HEMK2: variants seen among roughly 807,000 people sequenced by gnomAD.
HEMK2 encodes HemK methyltransferase 2, ETF1 glutamine and histone H4 lysine.
the HEMK2 span, chr21:28,882,062 A>T: frequency 1.2e-6 from 1 of 824,208 alleles, no homozygotes; most frequent in Non-Finnish European, 1.8e-6. Flanking sequence ...TATACTGCTT[A>T]GTGGGTCAAA....
chr21:28,869,797 T>C, the HEMK2 span, among the ~76,000 whole-genome samples: 2 of 152,210 alleles, frequency 1.3e-5, no homozygotes, highest in Non-Finnish European at 2.9e-5. Flanking sequence ...TTTTAGTGTG[T>C]CACTAATAAA....
chr21:28,878,619 T>C, the HEMK2 span, among the ~76,000 whole-genome samples: 1 of 152,058 alleles, frequency 6.6e-6, no homozygotes, highest in Non-Finnish European at 1.5e-5. Context: ...AAAATGTTTT[T>C]ATTAATAAAA....
the HEMK2 span, among the ~76,000 whole-genome samples, chr21:28,773,615 AC>A: frequency 2.0e-5 from 3 of 152,188 alleles, no homozygotes; most frequent in African/African-American, 7.2e-5. Flanking sequence ...TTTTAAATAT[AC>A]ACGATGTGCC....
At chr21:28,650,913 C>A in the HEMK2 span, among the ~76,000 whole-genome samples, 1 of 151,576 alleles carries the variant, frequency 6.6e-6, no homozygotes, top group Non-Finnish European at 1.5e-5. Flanking sequence ...AATGGAGAGA[C>A]GACAAAAAAG....
the HEMK2 span, among the ~76,000 whole-genome samples, chr21:28,871,302 A>G: frequency 6.6e-6 from 1 of 152,166 alleles, no homozygotes; most frequent in African/African-American, 2.4e-5. Flanking sequence ...GGAAGCTTAA[A>G]ATCAGGGCAC....
chr21:28,830,259 A>T, the HEMK2 span, among the ~76,000 whole-genome samples: 1 of 152,044 alleles, frequency 6.6e-6, no homozygotes, highest in Non-Finnish European at 1.5e-5. Context: ...GGTGGGAGGT[A>T]ATTGGATCAT....
At chr21:28,847,154 G>A in the HEMK2 span, among the ~76,000 whole-genome samples, 1 of 151,986 alleles carries the variant, frequency 6.6e-6, no homozygotes, top group Non-Finnish European at 1.5e-5. Context: ...ATATAACCAG[G>A]AATGGGATTG....
chr21:28,835,779 C>T, the HEMK2 span, among the ~76,000 whole-genome samples: 53 of 152,078 alleles, frequency 3.5e-4, no homozygotes, highest in Admixed American at 2.6e-3. Context: ...AGGAAATAGA[C>T]GGCTTAAAGA....
the HEMK2 span, among the ~76,000 whole-genome samples, chr21:28,849,367 A>G: frequency 1.3e-5 from 2 of 152,160 alleles, no homozygotes; most frequent in Non-Finnish European, 2.9e-5. Flanking sequence ...AACAAAAAAA[A>G]ACCCATCCAA....
the HEMK2 span, among the ~76,000 whole-genome samples, chr21:28,766,999 T>C: frequency 1.3e-5 from 2 of 152,080 alleles, no homozygotes; most frequent in African/African-American, 4.8e-5. Flanking sequence ...CCAAATCTCA[T>C]CTTGAATTTC....
chr21:28,656,293 G>A, the HEMK2 span, among the ~76,000 whole-genome samples: 1 of 151,966 alleles, frequency 6.6e-6, no homozygotes, highest in Non-Finnish European at 1.5e-5. Flanking sequence ...AACACGGTCT[G>A]GGGAAGTCCA....
the HEMK2 span, among the ~76,000 whole-genome samples, chr21:28,852,893 T>C: frequency 1.3e-5 from 2 of 152,216 alleles, no homozygotes; most frequent in Non-Finnish European, 2.9e-5. Context: ...GATTGCGACT[T>C]TGCATCTGCT....
chr21:28,845,537 TTAAG>T, the HEMK2 span, among the ~76,000 whole-genome samples: 8 of 152,234 alleles, frequency 5.3e-5, no homozygotes, highest in Admixed American at 1.3e-4. Context: ...GCTTCTCTTC[TTAAG>T]TATTTCTATT....
chr21:28,735,036 C>T, the HEMK2 span, among the ~76,000 whole-genome samples: 4 of 152,252 alleles, frequency 2.6e-5, no homozygotes, highest in Non-Finnish European at 4.4e-5. Flanking sequence ...GGGGGCTCCT[C>T]GGCACTGCTT....
chr21:28,588,997 AAG>A, the HEMK2 span, among the ~76,000 whole-genome samples: 2 of 151,828 alleles, frequency 1.3e-5, no homozygotes, highest in African/African-American at 2.4e-5. Context: ...AAAAAAAAAA[AAG>A]AGTTATTGAG....
At chr21:28,823,303 T>C in the HEMK2 span, among the ~76,000 whole-genome samples, 1 of 152,194 alleles carries the variant, frequency 6.6e-6, no homozygotes, top group Non-Finnish European at 1.5e-5. Context: ...AAGCTCAAAG[T>C]GCTCTGGGGA....
the HEMK2 span, among the ~76,000 whole-genome samples, chr21:28,880,290 A>T: frequency 1.7e-4 from 26 of 152,342 alleles, no homozygotes; most frequent in African/African-American, 6.3e-4. Context: ...TAAGTTTACA[A>T]CTATATATGC....
the HEMK2 span, among the ~76,000 whole-genome samples, chr21:28,612,357 A>G: frequency 2.0e-5 from 3 of 152,298 alleles, no homozygotes; most frequent in South Asian, 6.2e-4. Context: ...TAGATGCAAA[A>G]AAAAGCATTT....
At chr21:28,670,821 T>G in the HEMK2 span, among the ~76,000 whole-genome samples, 1 of 152,186 alleles carries the variant, frequency 6.6e-6, no homozygotes, top group Non-Finnish European at 1.5e-5. Context: ...AAAAAGGAAC[T>G]GTCGAATGCT....
Sources: allele counts gnomAD v4.1 joint callset (sites outside exome capture counted in the v4.1 genomes callset), GRCh38; gene constraint gnomAD v4.1.1; transcripts MANE v1.5; gene names NCBI Gene and HGNC (gene_info 2026-07-23, HGNC 2026-07-21).